RAI14: variants seen among roughly 807,000 people sequenced by gnomAD.
The protein encoded by RAI14 is retinoic acid induced 14.
RAI14 carries 45 observed loss-of-function variants against 115.4 expected under a neutral mutation model. The observed-to-expected ratio is 0.39, with a 90% CI of 0.31 to 0.50. RAI14 has a LOEUF of 0.50. RAI14 is among the 20% of genes least tolerant of loss of function. RAI14 has a pLI of 0.85. For missense variants in RAI14, 939 were observed against 1,131.2 expected, an observed-to-expected ratio of 0.83 and a Z score of 2.44; for synonymous variants, 371 against 415.4, an observed-to-expected ratio of 0.89 and a Z score of 1.30.
At position 34,689,318 on chromosome 5, in the gene RAI14, AG is replaced by A. The variant is rs1738270764; in HGVS notation, c.36+2365del. Reference sequence around the variant, plus strand: ...TACTCGGGAGGCTGAGGTGGGAGGAAGGCTTGAGCCCAAGAGGTCAAGGCTA... The same window carrying A: ...TACTCGGGAGGCTGAGGTGGGAGGAAGCTTGAGCCCAAGAGGTCAAGGCTA... On this transcript the variant is annotated intron_variant, in intron 2 of 17. Coordinates refer to ENST00000265109, the MANE Select transcript of RAI14 (RefSeq NM_015577.3). 2.0e-5 allele frequency among the ~76,000 whole-genome samples: 3 copies of A among 151,742 alleles called. No homozygotes were observed. The South Asian group carries it at 6.2e-4, about 32-fold the overall frequency.
intron 2 of RAI14, among the ~76,000 whole-genome samples, chr5:34,741,286 A>G (rs750022638): frequency 1.2e-4 from 18 of 152,246 alleles, no homozygotes; most frequent in Admixed American, 2.0e-4. Context: ...TTTACAATGG[A>G]GAAAACAGAG....
At chr5:34,806,334 C>CTG (rs1244729074) in intron 5 of RAI14, among the ~76,000 whole-genome samples, 75 of 152,262 alleles carry the variant, frequency 4.9e-4, no homozygotes, top group Admixed American at 1.8e-3. Flanking sequence ...GCAGTTCATC[C>CTG]TAAGTACAGC....
At chr5:34,813,302 C>G (rs577079951) in intron 10 of RAI14, among the ~76,000 whole-genome samples, 1 of 152,304 alleles carries the variant, frequency 6.6e-6, no homozygotes, top group South Asian at 2.1e-4. Flanking sequence ...TTGTAGTAGA[C>G]CTCAACCTCT....
intron 4 of RAI14, among the ~76,000 whole-genome samples, chr5:34,798,803 A>G (rs1173524985): frequency 6.6e-6 from 1 of 152,202 alleles, no homozygotes; most frequent in East Asian, 1.9e-4. Context: ...CACAGCCTGG[A>G]TATTTCCCAG....
At chr5:34,763,427 C>T (rs1345249185) in intron 3 of RAI14, among the ~76,000 whole-genome samples, 2 of 152,196 alleles carry the variant, frequency 1.3e-5, no homozygotes, top group African/African-American at 2.4e-5. Flanking sequence ...TATATCCACT[C>T]TGCTTTGAGT....
At chr5:34,735,835 T>C (rs1744793392) in intron 2 of RAI14, among the ~76,000 whole-genome samples, 1 of 152,236 alleles carries the variant, frequency 6.6e-6, no homozygotes, top group South Asian at 2.1e-4. Flanking sequence ...CTGCATCTTT[T>C]TGTCTGTACA....
At chr5:34,671,430 G>T (rs550325010) in intron 1 of RAI14, among the ~76,000 whole-genome samples, 32 of 152,244 alleles carry the variant, frequency 2.1e-4, no homozygotes, top group Non-Finnish European at 3.7e-4. Context: ...TGTTAGACTT[G>T]TTTTGTGATC....
chr5:34,658,728 G>T (rs997071608), intron 1 of RAI14, among the ~76,000 whole-genome samples: 1 of 152,102 alleles, frequency 6.6e-6, no homozygotes, highest in East Asian at 1.9e-4. Context: ...AACCCGGGAG[G>T]TGGAGGTTGC....
chr5:34,731,473 T>C (rs1238877050), intron 2 of RAI14, among the ~76,000 whole-genome samples: 1 of 152,206 alleles, frequency 6.6e-6, no homozygotes, highest in Non-Finnish European at 1.5e-5. Flanking sequence ...CATCTACTTA[T>C]TTACTTTAGA....
At chr5:34,707,521 C>A (rs1358301307) in intron 2 of RAI14, among the ~76,000 whole-genome samples, 2 of 152,202 alleles carry the variant, frequency 1.3e-5, no homozygotes, top group Non-Finnish European at 2.9e-5. Context: ...ATTTCCTGTT[C>A]AGGTCTCTTT....
chr5:34,694,591 G>A (rs556479462), intron 2 of RAI14, among the ~76,000 whole-genome samples: 1 of 152,240 alleles, frequency 6.6e-6, no homozygotes, highest in African/African-American at 2.4e-5. Context: ...CACTTTTTGG[G>A]AAGCACTGCC....
chr5:34,725,285 A>G (rs975165371), intron 2 of RAI14, among the ~76,000 whole-genome samples: 19 of 152,074 alleles, frequency 1.2e-4, no homozygotes, highest in Non-Finnish European at 2.6e-4. Context: ...GTCAGTGTCT[A>G]TGATTTAGGG....
At chr5:34,807,633 CTCCTTCCCCAT>C (rs370121831) in intron 5 of RAI14, among the ~76,000 whole-genome samples, 156 bp from the exon 6 acceptor site, 4 of 152,200 alleles carry the variant, frequency 2.6e-5, no homozygotes, top group African/African-American at 9.6e-5. Context: ...AGACATGAGT[CTCCTTCCCCAT>C]AGGAGACTGT....
At chr5:34,824,710 G>A (rs567693053) in intron 15 of RAI14, among the ~76,000 whole-genome samples, 328 of 152,088 alleles carry the variant, frequency 2.2e-3, no homozygotes, top group Middle Eastern at 6.8e-3. Flanking sequence ...TTGGGAGGCC[G>A]AGGTGGGTGG....
chr5:34,657,857 G>A (rs1281226676), intron 1 of RAI14, among the ~76,000 whole-genome samples: 1 of 152,236 alleles, frequency 6.6e-6, no homozygotes, highest in African/African-American at 2.4e-5. Context: ...TGGCTGCTCT[G>A]TCCCCAGCCT....
chr5:34,735,725 T>G (rs1304438723), intron 2 of RAI14, among the ~76,000 whole-genome samples: 5 of 152,256 alleles, frequency 3.3e-5, no homozygotes, highest in Non-Finnish European at 5.9e-5. Flanking sequence ...ATCATTGAAG[T>G]GCTTCAGGGA....
At chr5:34,828,664 A>G (rs781329237) in intron 16 of RAI14, among the ~76,000 whole-genome samples, 6 of 152,188 alleles carry the variant, frequency 3.9e-5, no homozygotes, top group African/African-American at 9.7e-5. Context: ...CTCAATTTTC[A>G]TGATGAATTA....
At chr5:34,828,374 G>T (rs1200048710) in intron 16 of RAI14, among the ~76,000 whole-genome samples, 2 of 152,146 alleles carry the variant, frequency 1.3e-5, no homozygotes, top group Non-Finnish European at 2.9e-5. Flanking sequence ...CATTCACACA[G>T]ATATCAAAGC....
At chr5:34,785,685 G>T (rs1360043165) in intron 3 of RAI14, among the ~76,000 whole-genome samples, 1 of 152,094 alleles carries the variant, frequency 6.6e-6, no homozygotes. Flanking sequence ...TTATTTCACA[G>T]GTAGGATGTT....
Sources: allele counts gnomAD v4.1 joint callset (sites outside exome capture counted in the v4.1 genomes callset), GRCh38; gene constraint gnomAD v4.1.1; transcripts MANE v1.5; gene names NCBI Gene and HGNC (gene_info 2026-07-23, HGNC 2026-07-21).